Variants in TSPAN18 observed in about 807,000 individuals in gnomAD.
The protein encoded by TSPAN18 is tetraspanin 18.
In TSPAN18, 14 loss-of-function variants were observed where a neutral mutation model predicts 27.3. That is an observed-to-expected ratio of 0.51 (90% CI 0.34 to 0.80). The LOEUF (loss-of-function observed/expected upper bound fraction) is 0.80, where lower values mean the gene tolerates loss of function less well. Ranked by LOEUF, TSPAN18 falls within the 30% of genes least tolerant of loss-of-function variation. TSPAN18 has a pLI of 0.01. For synonymous variants in TSPAN18, 143 were observed against 136.5 expected (o/e 1.05, Z -0.33); for missense variants, 268 against 323.9 (o/e 0.83, Z 1.32).
chr11:44,913,639 T>A (rs927260016), intron 5 of TSPAN18, among the ~76,000 whole-genome samples: 1 of 152,244 alleles, frequency 6.6e-6, no homozygotes, highest in East Asian at 1.9e-4. Context: ...GTAAATTTGG[T>A]AAATATTTAT....
chr11:44,810,670 C>T lies in TSPAN18; in HGVS notation c.-153+46158C>T, dbSNP rs142492139. ...AAGCTGGAGTGCTGTGACTCGATCT[C>T]GGCTTATGGCTCACTGTAACCTCCT... is the stretch of plus-strand genomic sequence containing the variant. On this transcript the variant is annotated intron_variant, in intron 2 of 9. Coordinates refer to ENST00000520358, the MANE Select transcript of TSPAN18 (RefSeq NM_130783.5). Among the ~76,000 whole-genome samples, 965 of 149,486 alleles carry T rather than the reference C, an allele frequency of 6.5e-3. 2 individuals are homozygous for T. Among genetic ancestry groups the T allele is most frequent in the Non-Finnish European group, 8.7e-3 (586 of 67,702 alleles).
At position 44,914,945 on chromosome 11, in the gene TSPAN18, G is replaced by A. The variant is rs7931023; in HGVS notation, c.259-3027G>A. On this transcript the variant is annotated intron_variant, in intron 5 of 9. Transcript: ENST00000520358. ...ATCTGAGCAGCTCTCATGTCATGCC[G>A]GTCTTGCGAGAAGCACCGCACCTGC... Among the ~76,000 whole-genome samples, 754 of 152,330 alleles carry A rather than the reference G, an allele frequency of 4.9e-3. 2 individuals are homozygous for A. The highest frequency in any genetic ancestry group is 8.0e-3 in the Non-Finnish European group (547 of 68,030).
chr11:44,745,342 T>C (rs1055983095), intron 1 of TSPAN18, among the ~76,000 whole-genome samples: 1 of 152,200 alleles, frequency 6.6e-6, no homozygotes, highest in Non-Finnish European at 1.5e-5. Context: ...CACTCATCAG[T>C]AGAGAGTAGG....
chr11:44,908,798 A>AAGGAAG (rs1859581872), intron 4 of TSPAN18, among the ~76,000 whole-genome samples: 3 of 116,548 alleles, frequency 2.6e-5, no homozygotes, highest in African/African-American at 1.1e-4. Context: ...AAAGAAAGAA[A>AAGGAAG]GAAAGAAAGA....
intron 3 of TSPAN18, among the ~76,000 whole-genome samples, chr11:44,891,579 G>T (rs1304217911): frequency 1.3e-5 from 2 of 152,210 alleles, no homozygotes; most frequent in East Asian, 1.9e-4. Context: ...ACTCAGTCCA[G>T]GTGAGCCAGA....
chr11:44,911,052 T>C (rs974157540), intron 5 of TSPAN18, among the ~76,000 whole-genome samples: 4 of 152,220 alleles, frequency 2.6e-5, no homozygotes, highest in Non-Finnish European at 4.4e-5. Flanking sequence ...CTCCGCCTGC[T>C]TTCCTGTGCT....
At chr11:44,820,883 C>T (rs1856913481) in intron 2 of TSPAN18, among the ~76,000 whole-genome samples, 1 of 152,234 alleles carries the variant, frequency 6.6e-6, no homozygotes, top group South Asian at 2.1e-4. Flanking sequence ...GACATGCCTG[C>T]TCCCCCTTCA....
intron 1 of TSPAN18, among the ~76,000 whole-genome samples, chr11:44,730,403 A>G (rs550824008): frequency 6.6e-6 from 1 of 152,220 alleles, no homozygotes; most frequent in African/African-American, 2.4e-5. Context: ...AGGGAAAATC[A>G]GGAACATTTG....
rs1859642806 is a variant in TSPAN18 at position 44,909,867 on chromosome 11, GC to G, written c.228del (p.Val77SerfsTer16). 2 of 1,613,760 alleles carry G rather than the reference GC, an allele frequency of 1.2e-6. No homozygotes were observed. On this transcript the variant is annotated frameshift_variant, in exon 5 of 10. Transcript: ENST00000520358. LOFTEE classifies it high-confidence loss of function. ...GCTCGGCTTCCTGGGCTGCTGCGGG[GC>G]CGTCCGTGAGAACAAGTGTCTGCTG... ...FLLGFLGCCG[A>X]VRENKCLLLF...
At chr11:44,857,036 T>C (rs763975478) in intron 2 of TSPAN18, among the ~76,000 whole-genome samples, 8 of 152,182 alleles carry the variant, frequency 5.3e-5, no homozygotes, top group Admixed American at 3.9e-4. Flanking sequence ...TCGTGGATAA[T>C]GGTGAAGAAA....
chr11:44,790,595 T>C (rs1856195016), intron 2 of TSPAN18, among the ~76,000 whole-genome samples: 1 of 149,662 alleles, frequency 6.7e-6, no homozygotes, highest in Non-Finnish European at 1.5e-5. Flanking sequence ...CATGTGTTCG[T>C]GTGTGTGCAT....
intron 1 of TSPAN18, among the ~76,000 whole-genome samples, chr11:44,760,246 A>G (rs545343701): frequency 8.5e-5 from 13 of 152,338 alleles, no homozygotes; most frequent in African/African-American, 2.9e-4. Context: ...CACTCTGACA[A>G]TGAAGGAGAG....
intron 5 of TSPAN18, among the ~76,000 whole-genome samples, chr11:44,916,051 G>A (rs1304492209): frequency 6.6e-6 from 1 of 152,212 alleles, no homozygotes; most frequent in Non-Finnish European, 1.5e-5. Context: ...CCACGGGCTG[G>A]GCTGCTTTGC....
chr11:44,849,215 G>A (rs1290716490), intron 2 of TSPAN18, among the ~76,000 whole-genome samples: 2 of 152,156 alleles, frequency 1.3e-5, no homozygotes, highest in East Asian at 3.9e-4. Flanking sequence ...CCTGTTGGGC[G>A]TTGAGTCCCG....
At chr11:44,766,814 T>C (rs1488503831) in intron 2 of TSPAN18, among the ~76,000 whole-genome samples, 1 of 152,180 alleles carries the variant, frequency 6.6e-6, no homozygotes, top group Non-Finnish European at 1.5e-5. Flanking sequence ...AGCCAGAAGA[T>C]TGGGGGCTGA....
intron 5 of TSPAN18, among the ~76,000 whole-genome samples, chr11:44,916,996 G>A (rs1389028172): frequency 1.3e-5 from 2 of 152,254 alleles, no homozygotes; most frequent in Non-Finnish European, 2.9e-5. Flanking sequence ...TGATGTGGCA[G>A]ATCACAGGGC....
chr11:44,908,786 A>AGAAAGGAAAG (rs1859576476), intron 4 of TSPAN18, among the ~76,000 whole-genome samples: 1 of 91,620 alleles, frequency 1.1e-5, no homozygotes, highest in Non-Finnish European at 2.2e-5. Context: ...AAAGAAAGAA[A>AGAAAGGAAAG]GAAAGAAAGA....
chr11:44,788,988 G>C (rs1856127779), intron 2 of TSPAN18, among the ~76,000 whole-genome samples: 1 of 152,236 alleles, frequency 6.6e-6, no homozygotes, highest in African/African-American at 2.4e-5. Flanking sequence ...GGCTCGGCAT[G>C]TGGAGAAAAC....
intron 5 of TSPAN18, 102 bp from the exon 6 acceptor site, chr11:44,917,870 A>G (rs1378409794): frequency 4.8e-6 from 5 of 1,048,918 alleles, no homozygotes; most frequent in East Asian, 2.4e-5. Flanking sequence ...CAAAATGAGT[A>G]TACTGCGTCA....
Sources: allele counts gnomAD v4.1 joint callset (sites outside exome capture counted in the v4.1 genomes callset), GRCh38; gene constraint gnomAD v4.1.1; transcripts MANE v1.5; gene names NCBI Gene and HGNC (gene_info 2026-07-23, HGNC 2026-07-21).